The following WHRN variants were observed in gnomAD, a reference collection of about 807,000 sequenced individuals.
The protein encoded by WHRN is CASK-interacting protein CIP98.
Under a neutral mutation model 68.3 loss-of-function variants are expected in WHRN, and 41 were observed. The observed-to-expected ratio is 0.60, with a 90% CI of 0.47 to 0.78. The LOEUF is 0.78. Ranked by LOEUF, WHRN falls within the 30% of genes least tolerant of loss-of-function variation. The pLI is 0.00. For missense variants in WHRN, 1,243 were observed against 1,244.7 expected (o/e 1.00, Z 0.02); for synonymous variants, 560 against 561.3 (o/e 1.00, Z 0.03).
At position 114,402,610 on chromosome 9, in the gene WHRN, C is replaced by T; in HGVS notation, c.*144G>A. The T allele has an allele frequency of 2.9e-6, 3 of 1,022,368 alleles. No homozygotes were observed. Among genetic ancestry groups the T allele is most frequent in the South Asian group, 2.6e-5 (2 of 76,852 alleles). The allele number at this position is 1,022,368 out of a possible 1,614,324, so 63.3% of individuals were successfully genotyped here. On this transcript the variant is annotated 3_prime_UTR_variant, in exon 12 of 12. Transcript: ENST00000362057. ...CTCTCTTCCTCTCCCAGTTCTGGTCCAGTGGGCTGGGATGGAGGGGGGATG... is the reference window on the plus strand; with the variant it reads ...CTCTCTTCCTCTCCCAGTTCTGGTCTAGTGGGCTGGGATGGAGGGGGGATG...
intron 11 of WHRN, 48 bp downstream of exon 11, chr9:114,403,169 C>T (rs754853971): frequency 3.7e-6 from 6 of 1,611,974 alleles, no homozygotes; most frequent in Non-Finnish European, 4.2e-6. Flanking sequence ...TGAGAAAGGG[C>T]CTTTCAGGGG....
At chr9:114,446,035 A>G (rs1838793256) in intron 3 of WHRN, among the ~76,000 whole-genome samples, 3 of 152,212 alleles carry the variant, frequency 2.0e-5, no homozygotes, top group Non-Finnish European at 2.9e-5. Flanking sequence ...AAAGCAAGCT[A>G]TATGATAGAA....
At position 114,426,279 on chromosome 9, in the gene WHRN, GCGGGC is replaced by G; in HGVS notation, c.1093_1097del (p.Ala365HisfsTer82). 1.2e-6 allele frequency: 2 copies of G among 1,613,312 alleles called. No homozygotes were observed. Among genetic ancestry groups the G allele is most frequent in the Non-Finnish European group, 1.7e-6 (2 of 1,180,042 alleles). ...TCCACTTGGTCTCGTCCACAGTGGT[GCGGGC>G]ATGGGGCAGCCTCCCGACGTCCTTC... On this transcript the variant is annotated frameshift_variant, in exon 4 of 12. Transcript: ENST00000362057. LOFTEE classifies it high-confidence loss of function.
At chr9:114,474,155 C>T (rs1212088109) in intron 2 of WHRN, among the ~76,000 whole-genome samples, 1 of 152,172 alleles carries the variant, frequency 6.6e-6, no homozygotes, top group Non-Finnish European at 1.5e-5. Context: ...CCTGAATATG[C>T]ACACAGGAGG....
At chr9:114,430,832 T>C (rs1483118651) in intron 3 of WHRN, among the ~76,000 whole-genome samples, 1 of 152,220 alleles carries the variant, frequency 6.6e-6, no homozygotes, top group Non-Finnish European at 1.5e-5. Context: ...AATCCTCTCC[T>C]GTCTCTTCTT....
intron 2 of WHRN, among the ~76,000 whole-genome samples, chr9:114,477,169 G>A (rs1258882356): frequency 4.6e-5 from 7 of 152,176 alleles, no homozygotes; most frequent in Non-Finnish European, 7.3e-5. Flanking sequence ...GCCGCGTCCT[G>A]CATATTGACG....
intron 1 of WHRN, among the ~76,000 whole-genome samples, chr9:114,495,811 T>C (rs1457676511): frequency 2.0e-5 from 3 of 151,884 alleles, no homozygotes; most frequent in Non-Finnish European, 4.4e-5. Flanking sequence ...AGGAAAGAGA[T>C]GAAGAAAAGG....
intron 7 of WHRN, among the ~76,000 whole-genome samples, chr9:114,409,532 A>G (rs1346437389): frequency 1.3e-5 from 2 of 152,186 alleles, no homozygotes; most frequent in African/African-American, 2.4e-5. Flanking sequence ...GCAGCTCCAC[A>G]GAAGTCAAGC....
At chr9:114,500,387 GAA>G (rs1230380848) in intron 1 of WHRN, among the ~76,000 whole-genome samples, 1 of 152,184 alleles carries the variant, frequency 6.6e-6, no homozygotes, top group Non-Finnish European at 1.5e-5. Context: ...TGCACAATGG[GAA>G]AAGGACAATT....
chr9:114,415,506 T>C lies in WHRN; in HGVS notation c.1627-7488A>G, dbSNP rs142119912. On this transcript the variant is annotated intron_variant, in intron 7 of 11. Coordinates refer to ENST00000362057, the MANE Select transcript of WHRN (RefSeq NM_015404.4). ...CCACCAGCTCCTCAGCTGTCTCACC[T>C]CATCTATTGCCTGGCTGTAGCCAAC... 9.2e-5 allele frequency among the ~76,000 whole-genome samples: 14 copies of C among 152,222 alleles called. 1 individual carries two copies. In the East Asian group the frequency reaches 2.7e-3, roughly 29 times the overall value.
At chr9:114,498,954 A>G (rs946378350) in intron 1 of WHRN, among the ~76,000 whole-genome samples, 1 of 152,156 alleles carries the variant, frequency 6.6e-6, no homozygotes, top group African/African-American at 2.4e-5. Flanking sequence ...ACAGGCTTCC[A>G]ATAAAGTAAA....
At chr9:114,425,362 A>G (rs1256178348) in intron 4 of WHRN, 1 of 596,036 alleles carries the variant, frequency 1.7e-6, no homozygotes, top group Non-Finnish European at 3.0e-6. Flanking sequence ...GGTCAGGCCA[A>G]CCCTCAGGAG....
chr9:114,435,743 A>C (rs916546152), intron 3 of WHRN, among the ~76,000 whole-genome samples: 6 of 152,204 alleles, frequency 3.9e-5, no homozygotes, highest in African/African-American at 1.4e-4. Flanking sequence ...CAGCCTTCAC[A>C]GACACAAACA....
Position 114,481,028 on chromosome 9 carries a change from AC to A in WHRN, c.619-2258del, listed in dbSNP as rs150603923. On this transcript the variant is annotated intron_variant, in intron 1 of 11. Coordinates refer to ENST00000362057, the MANE Select transcript of WHRN (RefSeq NM_015404.4). The stretch of plus-strand genomic sequence containing the variant: ...TGCTTTCAATATCAGAGAAAAAAAA[AC>A]AATATGCCTAAGAAGGGGGGTGAAC... Among the ~76,000 whole-genome samples, 919 of 152,232 alleles carry A rather than the reference AC, an allele frequency of 6.0e-3. 4 individuals carry two copies. Among genetic ancestry groups the A allele is most frequent in the African/African-American group, 0.021 (871 of 41,512 alleles).
chr9:114,458,898 T>C (rs1354295661), intron 3 of WHRN, among the ~76,000 whole-genome samples: 6 of 152,212 alleles, frequency 3.9e-5, no homozygotes, highest in African/African-American at 1.4e-4. Flanking sequence ...ACTTTTTATG[T>C]TCCACCATAA....
intron 3 of WHRN, among the ~76,000 whole-genome samples, chr9:114,440,347 C>T (rs1313925619): frequency 6.6e-6 from 1 of 152,182 alleles, no homozygotes; most frequent in African/African-American, 2.4e-5. Context: ...AGTGATTCTT[C>T]TGCCTTAGCG....
intron 3 of WHRN, among the ~76,000 whole-genome samples, chr9:114,445,193 C>T (rs762422795): frequency 5.9e-5 from 9 of 152,054 alleles, no homozygotes; most frequent in Non-Finnish European, 1.3e-4. Context: ...AGGCGTGCAC[C>T]ACCATGCTCA....
intron 1 of WHRN, among the ~76,000 whole-genome samples, chr9:114,493,033 T>G (rs1167766806): frequency 6.6e-6 from 1 of 151,216 alleles, no homozygotes; most frequent in Non-Finnish European, 1.5e-5. Flanking sequence ...AGAAAAACAA[T>G]TAAGTCCATA....
intron 8 of WHRN, among the ~76,000 whole-genome samples, chr9:114,407,524 T>C (rs1206485511): frequency 6.6e-6 from 1 of 152,198 alleles, no homozygotes; most frequent in Non-Finnish European, 1.5e-5. Flanking sequence ...CCCCTCTGCC[T>C]AGGTCAACAC....
Sources: gnomAD v4.1 joint callset for allele counts (sites outside exome capture counted in the v4.1 genomes callset) on GRCh38, gnomAD v4.1.1 for gene constraint, MANE v1.5 for transcripts, NCBI Gene and HGNC (gene_info 2026-07-23, HGNC 2026-07-21) for gene names.